The following RNF167 variants were observed in gnomAD, a reference collection of about 807,000 sequenced individuals.
RNF167 encodes E3 ubiquitin-protein ligase RNF167.
RNF167 carries 19 observed loss-of-function variants against 34.8 expected under a neutral mutation model. That is an observed-to-expected ratio of 0.55 (90% CI 0.38 to 0.80). The LOEUF (loss-of-function observed/expected upper bound fraction) is 0.80, where lower values mean the gene tolerates loss of function less well. RNF167 is among the 30% of genes least tolerant of loss of function. The pLI is 0.00. For missense variants in RNF167, 464 were observed against 447.0 expected, an observed-to-expected ratio of 1.04 and a Z score of -0.34; for synonymous variants, 200 against 170.4, an observed-to-expected ratio of 1.17 and a Z score of -1.35.
chr17:4,944,736 A>C lies in RNF167; in HGVS notation c.773A>C (p.Asp258Ala). 1 of 1,613,654 alleles carries C rather than the reference A, an allele frequency of 6.2e-7. No homozygotes were observed. Among genetic ancestry groups the C allele is most frequent in the Non-Finnish European group, 8.5e-7 (1 of 1,179,866 alleles). Residue 258 changes from aspartate to alanine, a missense_variant, in exon 10 of 10, where the codon GAC becomes GCC. Transcript: ENST00000262482. Reference sequence around the variant, plus strand: ...GCAGCCTACCACAGCCGCTGCGTGGACCCCTGGCTCACTCAGACCCGGAAG... The same window carrying C: ...GCAGCCTACCACAGCCGCTGCGTGGCCCCCTGGCTCACTCAGACCCGGAAG... ...CAHAYHSRCV[D>A]PWLTQTRKTC...
In RNF167 at chr17:4,944,921, T is replaced by A. The variant is rs774530407; in HGVS notation, c.958T>A (p.Ser320Thr). 1 of 1,612,882 alleles carries A rather than the reference T, an allele frequency of 6.2e-7. No homozygotes were observed. Among genetic ancestry groups the A allele is most frequent in the Non-Finnish European group, 8.5e-7 (1 of 1,179,422 alleles). Residue 320 changes from serine (S) to threonine (T), a missense_variant, in exon 10 of 10, where the codon TCC (serine) becomes ACC (threonine). Ser to Thr is a moderately conservative substitution (Grantham distance 58). Transcript: ENST00000262482. ...LLGSSPTLPTSFGSLAPAPLV... is the reference protein window; with the variant it reads ...LLGSSPTLPTTFGSLAPAPLV... ...GGGTTCTAGCCCCACTCTTCCCACCTCCTTTGGTTCCTTAGCCCCAGCTCC... is the reference window on the plus strand; with the variant it reads ...GGGTTCTAGCCCCACTCTTCCCACCACCTTTGGTTCCTTAGCCCCAGCTCC...
chr17:4,944,538 T>C lies in RNF167; in HGVS notation c.671-20T>C. 6.4e-7 allele frequency: 1 copy of C among 1,559,130 alleles called. No individual in the cohort carries two copies. Among genetic ancestry groups the C allele is most frequent in the Non-Finnish European group, 8.7e-7 (1 of 1,152,034 alleles). ...CATTGTGGCTCAGTGAAGGACTAGATTATTTTCTTTCTGTCCCAGGAGACC... is the reference window on the plus strand; with the variant it reads ...CATTGTGGCTCAGTGAAGGACTAGACTATTTTCTTTCTGTCCCAGGAGACC... On this transcript the variant is annotated intron_variant, in intron 8 of 9. Transcript: ENST00000262482.
intron 8 of RNF167, among the ~76,000 whole-genome samples, chr17:4,943,946 T>A (rs188261333): frequency 2.6e-5 from 4 of 152,266 alleles, no homozygotes; most frequent in Middle Eastern, 3.4e-3. Flanking sequence ...GGGCTGAGAT[T>A]GCACCACTGT....
chr17:4,945,131 T>A lies in RNF167; in HGVS notation c.*115T>A, dbSNP rs1399873902. 5 of 934,412 alleles carry A rather than the reference T, an allele frequency of 5.4e-6. No homozygotes were observed. In the Admixed American group the frequency reaches 8.3e-5, roughly 16 times the overall value. 57.9% of individuals were successfully genotyped at this position (934,412 alleles called of 1,614,324 possible). A position where few individuals can be genotyped will look rare whatever the true frequency, so the allele number is the denominator to read the frequency against. ...CAAGCTTCTCCCTTACCCACACCTA[T>A]CCTTTTGAGGGGCTTTGGGGTGGAG... On this transcript the variant is annotated 3_prime_UTR_variant, in exon 10 of 10. Coordinates refer to ENST00000262482, the MANE Select transcript of RNF167 (RefSeq NM_015528.3).
intron 8 of RNF167, among the ~76,000 whole-genome samples, 177 bp downstream of exon 8, chr17:4,943,696 C>T (rs1971074885): frequency 6.6e-6 from 1 of 152,090 alleles, no homozygotes; most frequent in Non-Finnish European, 1.5e-5. Flanking sequence ...TCACTTGAGC[C>T]CAGGAGTTTG....
At position 4,945,121 on chromosome 17, in the gene RNF167, C is replaced by T. The variant is rs1052784248; in HGVS notation, c.*105C>T. ...CATTCCATCCCAAGCTTCTCCCTTACCCACACCTATCCTTTTGAGGGGCTT... is the reference window on the plus strand; with the variant it reads ...CATTCCATCCCAAGCTTCTCCCTTATCCACACCTATCCTTTTGAGGGGCTT... On this transcript the variant is annotated 3_prime_UTR_variant, in exon 10 of 10. Coordinates refer to ENST00000262482, the MANE Select transcript of RNF167 (RefSeq NM_015528.3). 87 of 1,085,606 alleles carry T rather than the reference C, an allele frequency of 8.0e-5. No individual in the cohort carries two copies. Among genetic ancestry groups the T allele is most frequent in the Non-Finnish European group, 1.1e-4 (82 of 771,022 alleles). 67.2% of individuals were successfully genotyped at this position (1,085,606 alleles called of 1,614,324 possible). A position where few individuals can be genotyped will look rare whatever the true frequency, so the allele number is the denominator to read the frequency against.
In RNF167 at chr17:4,942,045, T is replaced by C. The variant is rs115375979; in HGVS notation, c.166-296T>C. On this transcript the variant is annotated intron_variant, in intron 3 of 9. Coordinates refer to ENST00000262482, the MANE Select transcript of RNF167 (RefSeq NM_015528.3). ...GGGTGGTTTGAGAATTGAATTACAA[T>C]TGGAATATTAGAAGGCAAAAATAAT... Among the ~76,000 whole-genome samples the C allele has an allele frequency of 5.6e-3, 851 of 152,186 alleles. 5 individuals carry two copies. Among genetic ancestry groups the C allele is most frequent in the Middle Eastern group, 0.037 (11 of 294 alleles).
At chr17:4,942,249 GT>G in intron 3 of RNF167, 91 bp from the exon 4 acceptor site, 1 of 1,420,950 alleles carries the variant, frequency 7.0e-7, no homozygotes, top group Non-Finnish European at 9.7e-7. Flanking sequence ...GATAGAGGAT[GT>G]GCAGCATGTG....
intron 9 of RNF167, 36 bp from the exon 10 acceptor site, chr17:4,944,679 C>T (rs1183114381): frequency 1.2e-6 from 2 of 1,614,018 alleles, no homozygotes; most frequent in Non-Finnish European, 1.7e-6. Context: ...CTGCCACCAG[C>T]AGCCACCAGG....
chr17:4,944,772 T>G lies in RNF167; in HGVS notation c.809T>G (p.Ile270Ser). Residue 270 changes from isoleucine (I) to serine (S), a missense_variant, in exon 10 of 10, where the codon ATT becomes AGT. By Grantham distance (142) the Ile-to-Ser change is moderately radical. Coordinates refer to ENST00000262482, the MANE Select transcript of RNF167 (RefSeq NM_015528.3). ...WLTQTRKTCP[I>S]CKQPVHRGPG... ...ACTCAGACCCGGAAGACCTGCCCCA[T>G]TTGCAAGCAGCCTGTTCATCGGGGT... 1 of 1,612,714 alleles carries G rather than the reference T, an allele frequency of 6.2e-7. No individual in the cohort carries two copies. The highest frequency in any genetic ancestry group is 8.5e-7 in the Non-Finnish European group (1 of 1,179,248).
chr17:4,944,819 G>C lies in RNF167; in HGVS notation c.856G>C (p.Glu286Gln). The C allele has an allele frequency of 1.2e-6, 2 of 1,612,586 alleles. No homozygotes were observed. Among genetic ancestry groups the C allele is most frequent in the Non-Finnish European group, 1.7e-6 (2 of 1,179,262 alleles). The change falls in exon 10 of 10, where the codon GAA (glutamate) becomes CAA (glutamine). Residue 286 changes from glutamate (E) to glutamine (Q), a missense_variant. Transcript: ENST00000262482. ...GGGTCCTGGGGACGAAGACCAAGAGGAAGAAACTCAAGGGCAAGAGGAGGG... is the reference window on the plus strand; with the variant it reads ...GGGTCCTGGGGACGAAGACCAAGAGCAAGAAACTCAAGGGCAAGAGGAGGG... Reference protein sequence around the residue: ...HRGPGDEDQEEETQGQEEGDE... With the variant: ...HRGPGDEDQEQETQGQEEGDE...
intron 5 of RNF167, 73 bp downstream of exon 5, chr17:4,942,737 G>A: frequency 1.3e-6 from 2 of 1,589,462 alleles, no homozygotes; most frequent in Non-Finnish European, 1.7e-6. Context: ...GAAGGCCTCA[G>A]GAAAAGAAGC....
rs1396568494 is a variant in RNF167 at position 4,942,930 on chromosome 17, C to G, written c.459C>G (p.Val153=). 6.2e-7 allele frequency: 1 copy of G among 1,613,788 alleles called. No homozygotes were observed. Among genetic ancestry groups the G allele is most frequent in the Non-Finnish European group, 8.5e-7 (1 of 1,179,854 alleles). ...RSSEYLRALF[V]YEKGARVLLV... ...CCGAGTACCTGCGTGCCCTCTTTGT[C>G]TACGAGAAGGGGTAGGACATGTGCC... Residue 153 remains valine, a synonymous_variant, in exon 6 of 10, where the codon GTC becomes GTG. Coordinates refer to ENST00000262482, the MANE Select transcript of RNF167 (RefSeq NM_015528.3).
At chr17:4,943,361 G>T (rs1376478252) in intron 7 of RNF167, 65 bp from the exon 8 acceptor site, 1 of 1,584,390 alleles carries the variant, frequency 6.3e-7, no homozygotes, top group Non-Finnish European at 8.6e-7. Context: ...GGAGATGGGA[G>T]TGGCTTGTCC....
At position 4,943,240 on chromosome 17, in the gene RNF167, A is replaced by T; in HGVS notation, c.532A>T (p.Thr178Ser). Reference protein sequence around the residue: ...FPLGYYLIPFTGIVGLLVLAM... With the variant: ...FPLGYYLIPFSGIVGLLVLAM... ...CTTGGGCTATTACCTCATCCCTTTC[A>T]CAGGGATTGTGGGACTGCTGGTTTT... Residue 178 changes from threonine to serine, a missense_variant, in exon 7 of 10, where the codon ACA becomes TCA. Transcript: ENST00000262482. 1.2e-6 allele frequency: 2 copies of T among 1,613,668 alleles called. No individual in the cohort carries two copies. The highest frequency in any genetic ancestry group is 1.7e-6 in the Non-Finnish European group (2 of 1,179,960).
At chr17:4,942,497 C>T (rs761301911) in intron 4 of RNF167, 31 bp downstream of exon 4, 1 of 1,613,256 alleles carries the variant, frequency 6.2e-7, no homozygotes, top group South Asian at 1.1e-5. Flanking sequence ...AGCTGGGCAG[C>T]TGAGGGTAAA....
At chr17:4,944,275 A>T (rs1027643389) in intron 8 of RNF167, 1 of 472,682 alleles carries the variant, frequency 2.1e-6, no homozygotes, top group Non-Finnish European at 3.1e-6. Context: ...CAGTGCCCGT[A>T]TAAGGCTGTG....
intron 2 of RNF167, 42 bp downstream of exon 2, chr17:4,941,035 G>A (rs141088909): frequency 6.2e-7 from 1 of 1,613,954 alleles, no homozygotes; most frequent in Non-Finnish European, 8.5e-7. Context: ...CTGAAAGGAA[G>A]GGTTGCAGGC....
chr17:4,944,061 T>C (rs238246), intron 8 of RNF167, among the ~76,000 whole-genome samples: 31,574 of 152,242 alleles, frequency 0.21, 4,113 homozygotes, highest in Non-Finnish European at 0.29. Context: ...TTTTCTTCTG[T>C]TTTTATGCAT....
Sources: gnomAD v4.1 joint callset for allele counts (sites outside exome capture counted in the v4.1 genomes callset) on GRCh38, gnomAD v4.1.1 for gene constraint, MANE v1.5 for transcripts, NCBI Gene and HGNC (gene_info 2026-07-23, HGNC 2026-07-21) for gene names.